KLHL14: variants seen among roughly 807,000 people sequenced by gnomAD.
KLHL14 encodes kelch-like protein 14.
KLHL14 carries 22 observed loss-of-function variants against 64.3 expected under a neutral mutation model. That is an observed-to-expected ratio of 0.34 (90% CI 0.24 to 0.49). The LOEUF (loss-of-function observed/expected upper bound fraction) is 0.49. KLHL14 is among the 20% of genes least tolerant of loss of function. KLHL14 has a pLI of 0.99. For missense variants in KLHL14, 661 were observed against 789.0 expected (o/e 0.84, Z 1.94); for synonymous variants, 322 against 333.4 (o/e 0.97, Z 0.37).
chr18:32,751,697 G>C (rs1450345245), intron 2 of KLHL14, among the ~76,000 whole-genome samples: 1 of 152,162 alleles, frequency 6.6e-6, no homozygotes, highest in Admixed American at 6.5e-5. Flanking sequence ...GTAACTTTAA[G>C]ATTTGTTTGA....
At chr18:32,700,483 C>T (rs961613122) in intron 3 of KLHL14, among the ~76,000 whole-genome samples, 2 of 152,158 alleles carry the variant, frequency 1.3e-5, no homozygotes, top group Admixed American at 6.5e-5. Flanking sequence ...ACTGTGTTCT[C>T]GGGTTTTCTT....
At chr18:32,722,598 A>G (rs2050085177) in intron 3 of KLHL14, among the ~76,000 whole-genome samples, 1 of 152,190 alleles carries the variant, frequency 6.6e-6, no homozygotes, top group South Asian at 2.1e-4. Context: ...CCACAACACA[A>G]CACTGTACCA....
rs139277764 is a variant in KLHL14 at position 32,714,391 on chromosome 18, G to T, written c.1070-18839C>A. On this transcript the variant is annotated intron_variant, in intron 3 of 8. Transcript: ENST00000359358. Reference sequence around the variant, plus strand: ...ACCCATTTCCTCTTTCATCCAAGTTGCCCACTTCCTGATAGAACAAAGTAT... The same window carrying T: ...ACCCATTTCCTCTTTCATCCAAGTTTCCCACTTCCTGATAGAACAAAGTAT... Among the ~76,000 whole-genome samples the T allele has an allele frequency of 1.2e-3, 176 of 152,176 alleles. 1 individual carries two copies. The highest frequency in any genetic ancestry group is 3.6e-3 in the African/African-American group (151 of 41,510).
rs532721851 is a variant in KLHL14 at position 32,675,714 on chromosome 18, A to T, written c.1747-917T>A. ...ACCAAGGCAGCTTTGTGTTTATCAT[A>T]GGAAAAAAACGAAAGACCCAACCAA... On this transcript the variant is annotated intron_variant, in intron 8 of 8. Transcript: ENST00000359358. 7.2e-5 allele frequency among the ~76,000 whole-genome samples: 11 copies of T among 152,184 alleles called. No homozygotes were observed. In the South Asian group the frequency reaches 2.3e-3, roughly 31 times the overall value.
chr18:32,724,354 C>T (rs551734163), intron 3 of KLHL14, among the ~76,000 whole-genome samples: 1 of 152,272 alleles, frequency 6.6e-6, no homozygotes, highest in African/African-American at 2.4e-5. Flanking sequence ...AGGGATATTA[C>T]CCAGAGTGGT....
At position 32,741,578 on chromosome 18, in the gene KLHL14, G is replaced by A. The variant is rs75559948; in HGVS notation, c.1069+350C>T. On this transcript the variant is annotated intron_variant, in intron 3 of 8. Transcript: ENST00000359358. Reference sequence around the variant, plus strand: ...CATTTTGATGTGAGAAAATTTACTAGCGAACGCCATAAACCAACCTTTTGC... The same window carrying A: ...CATTTTGATGTGAGAAAATTTACTAACGAACGCCATAAACCAACCTTTTGC... Among the ~76,000 whole-genome samples the A allele has an allele frequency of 8.5e-3, 1,289 of 152,268 alleles. 14 individuals carry two copies. Among genetic ancestry groups the A allele is most frequent in the African/African-American group, 0.022 (918 of 41,554 alleles).
intron 3 of KLHL14, among the ~76,000 whole-genome samples, chr18:32,711,871 T>G (rs1462730379): frequency 6.6e-6 from 1 of 152,198 alleles, no homozygotes; most frequent in African/African-American, 2.4e-5. Flanking sequence ...TTGTCTATAT[T>G]CAGCCCCATG....
chr18:32,726,071 CTTAGATT>C (rs2050106604), intron 3 of KLHL14, among the ~76,000 whole-genome samples: 1 of 152,198 alleles, frequency 6.6e-6, no homozygotes, highest in Non-Finnish European at 1.5e-5. Context: ...TAGTCATGAC[CTTAGATT>C]ATAGTGCAAG....
intron 2 of KLHL14, among the ~76,000 whole-genome samples, chr18:32,763,866 A>G (rs1162237697): frequency 6.6e-6 from 1 of 152,198 alleles, no homozygotes; most frequent in Non-Finnish European, 1.5e-5. Flanking sequence ...TTGGTTACAC[A>G]TATTCAGAGA....
At position 32,677,197 on chromosome 18, in the gene KLHL14, A is replaced by G. The variant is rs1480468098; in HGVS notation, c.1722T>C (p.Leu574=). ...GCAVLDDSIY[L]VGGYSWSMGA... ...CCATACTCCAGCTGTAGCCTCCCAC[A>G]AGGTAAATGCTGTCATCAAGCACTG... Residue 574 remains leucine (L), a synonymous_variant, in exon 8 of 9, where the codon CTT becomes CTC. Transcript: ENST00000359358. 2 of 1,612,938 alleles carry G rather than the reference A, an allele frequency of 1.2e-6. No homozygotes were observed. Among genetic ancestry groups the G allele is most frequent in the Admixed American group, 3.3e-5 (2 of 59,772 alleles).
intron 3 of KLHL14, among the ~76,000 whole-genome samples, chr18:32,703,734 A>ATT (rs1158683488): frequency 6.6e-6 from 1 of 152,118 alleles, no homozygotes; most frequent in Admixed American, 6.6e-5. Flanking sequence ...TAGTTCAAAT[A>ATT]TTTTCACTAA....
intron 1 of KLHL14, among the ~76,000 whole-genome samples, chr18:32,771,786 G>A (rs2050387775): frequency 6.6e-6 from 1 of 150,802 alleles, no homozygotes; most frequent in African/African-American, 2.4e-5. Flanking sequence ...GAGGGGTGGG[G>A]GCTGTCGAAC....
chr18:32,695,545 T>C lies in KLHL14; in HGVS notation c.1077A>G (p.Pro359=). Reference sequence around the variant, plus strand: ...CAACGCAGTGGTGGGCACTGTTGTATGGCATAACTGAAATTAAGAAAAAAA... The same window carrying C: ...CAACGCAGTGGTGGGCACTGTTGTACGGCATAACTGAAATTAAGAAAAAAA... ...KKTWKILTIM[P]YNSAHHCVVE... The change falls in exon 4 of 9, where the codon CCA becomes CCG. Residue 359 remains proline (P), a synonymous_variant. Coordinates refer to ENST00000359358, the MANE Select transcript of KLHL14 (RefSeq NM_020805.3). 6.3e-7 allele frequency: 1 copy of C among 1,593,646 alleles called. No homozygotes were observed. Among genetic ancestry groups the C allele is most frequent in the Non-Finnish European group, 8.6e-7 (1 of 1,168,158 alleles).
At chr18:32,677,502 AC>A (rs1448386869) in intron 7 of KLHL14, among the ~76,000 whole-genome samples, 172 bp from the exon 8 acceptor site, 2 of 152,166 alleles carry the variant, frequency 1.3e-5, no homozygotes, top group Non-Finnish European at 2.9e-5. Context: ...GACCTAGAAA[AC>A]CCCAAAGAAA....
intron 2 of KLHL14, chr18:32,744,477 CAAAAA>C (rs3042636): frequency 1.5e-5 from 2 of 135,114 alleles, no homozygotes; most frequent in Non-Finnish European, 1.6e-5. Flanking sequence ...AACTCCATGT[CAAAAA>C]AAAAAAAAAA....
chr18:32,679,906 A>G (rs1246516337), intron 7 of KLHL14, among the ~76,000 whole-genome samples: 2 of 152,276 alleles, frequency 1.3e-5, no homozygotes, highest in African/African-American at 2.4e-5. Flanking sequence ...TTCTTCAGTT[A>G]TTAATGCTCC....
chr18:32,716,300 T>C (rs1256333529), intron 3 of KLHL14, among the ~76,000 whole-genome samples: 2 of 152,272 alleles, frequency 1.3e-5, no homozygotes, highest in African/African-American at 4.8e-5. Flanking sequence ...CAAAGGGCAG[T>C]GGTAAATACA....
Position 32,674,541 on chromosome 18 carries a change from C to G in KLHL14, c.*116G>C. ...GTAGTTACTTATAAATCATCAGAAA[C>G]CAAGGGTGGGTTTTGGCAGTTGTAC... On this transcript the variant is annotated 3_prime_UTR_variant, in exon 9 of 9. Coordinates refer to ENST00000359358, the MANE Select transcript of KLHL14 (RefSeq NM_020805.3). 9.0e-6 allele frequency: 6 copies of G among 665,284 alleles called. No individual in the cohort carries two copies. In the South Asian group the frequency reaches 1.1e-4, roughly 12 times the overall value. 41.2% of individuals were successfully genotyped at this position (665,284 alleles called of 1,614,324 possible). A position where few individuals can be genotyped will look rare whatever the true frequency, so the allele number is the denominator to read the frequency against.
At position 32,769,658 on chromosome 18, in the gene KLHL14, T is replaced by C; in HGVS notation, c.934A>G (p.Ser312Gly). 3 of 1,281,046 alleles carry C rather than the reference T, an allele frequency of 2.3e-6. No individual in the cohort carries two copies. The allele number at this position is 1,281,046 out of a possible 1,614,324, so 79.4% of individuals were successfully genotyped here. A position where few individuals can be genotyped will look rare whatever the true frequency, so the allele number is the denominator to read the frequency against. Residue 312 changes from serine (S) to glycine (G), a missense_variant, in exon 2 of 9, where the codon AGC (serine) becomes GGC (glycine). Coordinates refer to ENST00000359358, the MANE Select transcript of KLHL14 (RefSeq NM_020805.3). Reference sequence around the variant, plus strand: ...GTTGTCTCCTACCTGCTGGCCAGGCTCTGCCTGCAGTGCTGCCTGAAGGGC... The same window carrying C: ...GTTGTCTCCTACCTGCTGGCCAGGCCCTGCCTGCAGTGCTGCCTGAAGGGC... ...LMPFRQHCRQ[S>G]LASRIRSNKK...
Sources: allele counts gnomAD v4.1 joint callset (sites outside exome capture counted in the v4.1 genomes callset), GRCh38; gene constraint gnomAD v4.1.1; transcripts MANE v1.5; gene names NCBI Gene and HGNC (gene_info 2026-07-23, HGNC 2026-07-21).